The following SPATA13 variants were observed in gnomAD, a reference collection of about 807,000 sequenced individuals.
SPATA13 encodes the protein spermatogenesis associated 13.
A neutral mutation model predicts 104.0 loss-of-function variants in SPATA13; 50 were observed. The ratio of observed to expected loss-of-function variants is 0.48; its 90% confidence interval spans 0.38 to 0.61. SPATA13 has a LOEUF of 0.61. Ranked by LOEUF, SPATA13 falls within the 20% of genes least tolerant of loss-of-function variation. The pLI, the probability that SPATA13 is intolerant of heterozygous loss-of-function variation, is 0.00. For synonymous variants in SPATA13, 606 were observed against 667.5 expected, an observed-to-expected ratio of 0.91 and a Z score of 1.42; for missense variants, 1,524 against 1,690.6, an observed-to-expected ratio of 0.90 and a Z score of 1.73.
chr13:24,260,591 T>A (rs1187116659), intron 4 of SPATA13, among the ~76,000 whole-genome samples: 1 of 152,220 alleles, frequency 6.6e-6, no homozygotes, highest in Non-Finnish European at 1.5e-5. Flanking sequence ...TTGGCATCTC[T>A]GACAATGAAA....
Position 24,230,253 on chromosome 13 carries a change from T to C in SPATA13, c.1653+5671T>C, listed in dbSNP as rs569938881. ...ACACCTGCTATGTGAACAGAAGGGGTTGAAACAAAAAGAAGCTGTCTGTAC... is the reference window on the plus strand; with the variant it reads ...ACACCTGCTATGTGAACAGAAGGGGCTGAAACAAAAAGAAGCTGTCTGTAC... On this transcript the variant is annotated intron_variant, in intron 2 of 12. Coordinates refer to ENST00000382108, the MANE Select transcript of SPATA13 (RefSeq NM_001166271.3). Among the ~76,000 whole-genome samples, 73 of 152,090 alleles carry C rather than the reference T, an allele frequency of 4.8e-4. No individual in the cohort carries two copies. The Middle Eastern group carries it at 0.01, about 21-fold the overall frequency.
At chr13:24,142,689 C>T (rs1881800602) in intron 3 of SPATA13, among the ~76,000 whole-genome samples, 1 of 152,178 alleles carries the variant, frequency 6.6e-6, no homozygotes, top group Non-Finnish European at 1.5e-5. Flanking sequence ...TCTTCCTCTT[C>T]CTCTTCCTTC....
At chr13:24,119,706 G>A (rs1027307285) in intron 3 of SPATA13, among the ~76,000 whole-genome samples, 6 of 152,230 alleles carry the variant, frequency 3.9e-5, no homozygotes, top group East Asian at 1.9e-4. Flanking sequence ...AACTCCTTGC[G>A]GTGAGGGTCT....
At chr13:24,068,382 A>G (rs985273073) in intron 3 of SPATA13, among the ~76,000 whole-genome samples, 3 of 151,882 alleles carry the variant, frequency 2.0e-5, no homozygotes, top group African/African-American at 7.3e-5. Context: ...TTTTTATCCA[A>G]TCTGTCTAGG....
At chr13:24,290,393 G>A (rs1876257252) in intron 8 of SPATA13, among the ~76,000 whole-genome samples, 1 of 152,148 alleles carries the variant, frequency 6.6e-6, no homozygotes, top group Non-Finnish European at 1.5e-5. Flanking sequence ...AGAGACCAGG[G>A]TGCTGAGTTC....
intron 3 of SPATA13, among the ~76,000 whole-genome samples, chr13:24,079,353 G>A (rs1466396295): frequency 6.6e-6 from 1 of 152,198 alleles, no homozygotes; most frequent in Non-Finnish European, 1.5e-5. Context: ...AGCTGAGGGG[G>A]TGACATGATC....
At chr13:24,186,173 A>G (rs1378398114) in intron 1 of SPATA13, among the ~76,000 whole-genome samples, 1 of 152,190 alleles carries the variant, frequency 6.6e-6, no homozygotes, top group Non-Finnish European at 1.5e-5. Context: ...AACCATCACA[A>G]CTACCAGTGA....
intron 2 of SPATA13, among the ~76,000 whole-genome samples, chr13:24,240,603 T>C (rs900492111): frequency 6.6e-6 from 1 of 152,174 alleles, no homozygotes; most frequent in African/African-American, 2.4e-5. Context: ...GCTACACTGA[T>C]TTCTCCATCT....
intron 3 of SPATA13, among the ~76,000 whole-genome samples, chr13:24,132,619 AT>A (rs1364661116): frequency 6.6e-6 from 1 of 152,256 alleles, no homozygotes; most frequent in Middle Eastern, 3.2e-3. Context: ...AAAGGGGTTA[AT>A]TCAGTAAGGC....
chr13:24,019,414 A>C (rs1876875430), intron 3 of SPATA13, among the ~76,000 whole-genome samples: 1 of 152,224 alleles, frequency 6.6e-6, no homozygotes, highest in Non-Finnish European at 1.5e-5. Flanking sequence ...AAAGAAAAAC[A>C]GTATATAGTT....
Position 24,224,284 on chromosome 13 carries a change from A to G in SPATA13, c.1355A>G (p.Gln452Arg). The G allele has an allele frequency of 1.9e-6, 3 of 1,551,720 alleles. No homozygotes were observed. Among genetic ancestry groups the G allele is most frequent in the Non-Finnish European group, 2.6e-6 (3 of 1,147,000 alleles). The change falls in exon 2 of 13, where the codon CAG becomes CGG. Residue 452 changes from glutamine to arginine, a missense_variant. Physicochemically the swap from Gln to Arg is conservative, Grantham distance 43 (BLOSUM62 1). Coordinates refer to ENST00000382108, the MANE Select transcript of SPATA13 (RefSeq NM_001166271.3). Reference sequence around the variant, plus strand: ...TCCTGTGACCCAAACGCTGGCAGCCAGTTGACATTTGACCCTGAGCAGCCT... The same window carrying G: ...TCCTGTGACCCAAACGCTGGCAGCCGGTTGACATTTGACCCTGAGCAGCCT... ...KDSCDPNAGS[Q>R]LTFDPEQPPT...
intron 2 of SPATA13, among the ~76,000 whole-genome samples, chr13:24,232,598 A>G (rs894454097): frequency 6.6e-6 from 1 of 152,176 alleles, no homozygotes; most frequent in Non-Finnish European, 1.5e-5. Context: ...CTGGAGTACA[A>G]TGGTGCAATC....
At chr13:24,156,503 C>T (rs2138477314), upstream of SPATA13, among the ~76,000 whole-genome samples, 1 of 152,292 alleles carries the variant, frequency 6.6e-6, no homozygotes, top group East Asian at 1.9e-4. Flanking sequence ...CCTCTCTGTG[C>T]CTCAATTAAT....
At chr13:24,075,846 G>A (rs751573079) in intron 3 of SPATA13, among the ~76,000 whole-genome samples, 4 of 152,152 alleles carry the variant, frequency 2.6e-5, no homozygotes, top group East Asian at 1.9e-4. Context: ...AGCATTTGCC[G>A]CCACGCTGTC....
chr13:24,159,945 A>T (rs1272678004), upstream of SPATA13, among the ~76,000 whole-genome samples: 1 of 152,204 alleles, frequency 6.6e-6, no homozygotes, highest in African/African-American at 2.4e-5. Context: ...TGGGGCACAG[A>T]TCCCAGCACA....
chr13:24,089,200 G>T (rs1490494353), intron 3 of SPATA13, among the ~76,000 whole-genome samples: 1 of 152,172 alleles, frequency 6.6e-6, no homozygotes, highest in Non-Finnish European at 1.5e-5. Flanking sequence ...CATTTCCCCT[G>T]TGTCTCACAT....
intron 3 of SPATA13, among the ~76,000 whole-genome samples, chr13:24,093,162 A>G (rs1879962626): frequency 6.6e-6 from 1 of 152,222 alleles, no homozygotes; most frequent in Admixed American, 6.5e-5. Flanking sequence ...ATAAGGTTAA[A>G]AGGTCAGGCT....
In SPATA13 at chr13:24,249,556, G is replaced by A; in HGVS notation, c.1733G>A (p.Arg578Lys). 1 of 1,613,712 alleles carries A rather than the reference G, an allele frequency of 6.2e-7. No individual in the cohort carries two copies. Among genetic ancestry groups the A allele is most frequent in the Non-Finnish European group, 8.5e-7 (1 of 1,179,708 alleles). ...RTEAQRTPKR[R>K]WGSGRRPRPR... ...GAGGCACAGAGAACCCCCAAGAGGA[G>A]ATGGGGCTCTGGGAGACGGCCAAGG... The change falls in exon 3 of 13, where the codon AGA (arginine) becomes AAA (lysine). Residue 578 changes from arginine (R) to lysine (K), a missense_variant. Arg to Lys is a conservative substitution (Grantham distance 26). Coordinates refer to ENST00000382108, the MANE Select transcript of SPATA13 (RefSeq NM_001166271.3).
intron 1 of SPATA13, among the ~76,000 whole-genome samples, chr13:24,212,456 A>G (rs1421810869): frequency 1.3e-5 from 2 of 152,156 alleles, no homozygotes; most frequent in Non-Finnish European, 2.9e-5. Context: ...GTGCTTATGT[A>G]ACCACCCCAG....
Sources: gnomAD v4.1 joint callset for allele counts (sites outside exome capture counted in the v4.1 genomes callset) on GRCh38, gnomAD v4.1.1 for gene constraint, MANE v1.5 for transcripts, NCBI Gene and HGNC (gene_info 2026-07-23, HGNC 2026-07-21) for gene names.